Variants in XRRA1 observed in about 807,000 individuals in gnomAD.
The protein encoded by XRRA1 is X-ray radiation resistance associated 1, also known as X-ray radiation resistance-associated protein 1.
XRRA1 carries 69 observed loss-of-function variants against 80.2 expected under a neutral mutation model. The ratio of observed to expected loss-of-function variants is 0.86; its 90% CI spans 0.71 to 1.05. The LOEUF (loss-of-function observed/expected upper bound fraction) is 1.05. XRRA1 is among the 50% of genes least tolerant of loss of function. The probability of loss-of-function intolerance (pLI) is 0.00; values close to 1 mark genes in which losing one functional copy is unlikely to be tolerated. For synonymous variants in XRRA1, 348 were observed against 389.9 expected, an observed-to-expected ratio of 0.89 and a Z score of 1.27; for missense variants, 967 against 976.4, an observed-to-expected ratio of 0.99 and a Z score of 0.13.
intron 6 of XRRA1, 75 bp downstream of exon 6, chr11:74,930,225 G>C (rs568952979): frequency 1.6e-6 from 2 of 1,265,704 alleles, no homozygotes; most frequent in Admixed American, 2.1e-5. Context: ...TGGTTGGACA[G>C]ACAAATCCTA....
chr11:74,916,257 G>A (rs1045212217), intron 8 of XRRA1, among the ~76,000 whole-genome samples: 2 of 152,124 alleles, frequency 1.3e-5, no homozygotes, highest in African/African-American at 4.8e-5. Context: ...TAATCTCTCC[G>A]TGCTTTCTCT....
intron 15 of XRRA1, among the ~76,000 whole-genome samples, chr11:74,846,993 T>C (rs764650339): frequency 2.1e-4 from 32 of 152,078 alleles, no homozygotes; most frequent in Admixed American, 3.9e-4. Context: ...AGCTCAGAAC[T>C]GCATTTTGTC....
At chr11:74,930,489 G>GA in intron 5 of XRRA1, 117 bp from the exon 6 acceptor site, 1 of 756,908 alleles carries the variant, frequency 1.3e-6, no homozygotes, top group East Asian at 2.7e-5. Flanking sequence ...AGGAATAAGG[G>GA]ACATCCCTAG....
At chr11:74,878,622 T>C (rs1462057770) in intron 10 of XRRA1, among the ~76,000 whole-genome samples, 1 of 150,378 alleles carries the variant, frequency 6.6e-6, no homozygotes, top group African/African-American at 2.4e-5. Context: ...CTTTAATCCA[T>C]CTTGAATTGA....
chr11:74,931,921 A>G (rs1359946918), intron 5 of XRRA1: 1 of 152,184 alleles, frequency 6.6e-6, no homozygotes, highest in Non-Finnish European at 1.5e-5. Flanking sequence ...AATTGGCATT[A>G]TAAAACTAAT....
intron 16 of XRRA1, 38 bp from the exon 17 acceptor site, chr11:74,844,321 C>CCCT: frequency 6.7e-7 from 1 of 1,483,142 alleles, no homozygotes; most frequent in Non-Finnish European, 9.4e-7. Flanking sequence ...AGGCACTTCC[C>CCCT]CCTCCTCCTC....
At chr11:74,915,595 T>C (rs1276099099) in intron 8 of XRRA1, among the ~76,000 whole-genome samples, 1 of 152,230 alleles carries the variant, frequency 6.6e-6, no homozygotes, top group Non-Finnish European at 1.5e-5. Context: ...TAGTATCAAG[T>C]TGACTTTAAA....
intron 10 of XRRA1, among the ~76,000 whole-genome samples, chr11:74,873,385 T>C (rs958949909): frequency 2.0e-5 from 3 of 152,196 alleles, no homozygotes; most frequent in Non-Finnish European, 2.9e-5. Context: ...TCCCTATACT[T>C]TGCTAACCCA....
intron 10 of XRRA1, among the ~76,000 whole-genome samples, chr11:74,881,576 T>G (rs1335807514): frequency 2.6e-5 from 4 of 151,980 alleles, no homozygotes; most frequent in Non-Finnish European, 4.4e-5. Context: ...CTTTACATTT[T>G]GGCATGATTT....
intron 8 of XRRA1, among the ~76,000 whole-genome samples, chr11:74,912,275 A>T (rs1289059154): frequency 6.6e-6 from 1 of 152,256 alleles, no homozygotes; most frequent in East Asian, 1.9e-4. Context: ...TATACATTTA[A>T]AAACAATCTG....
chr11:74,879,677 G>A (rs1310599088), intron 10 of XRRA1, among the ~76,000 whole-genome samples: 1 of 151,764 alleles, frequency 6.6e-6, no homozygotes, highest in Non-Finnish European at 1.5e-5. Flanking sequence ...AGCATGGAGG[G>A]TTGTTGAATT....
intron 10 of XRRA1, among the ~76,000 whole-genome samples, chr11:74,900,676 A>G (rs1378596363): frequency 6.6e-6 from 1 of 152,254 alleles, no homozygotes; most frequent in East Asian, 1.9e-4. Flanking sequence ...AATGTGATAC[A>G]TCACATCAAC....
At chr11:74,904,891 T>TA (rs35880400) in intron 10 of XRRA1, among the ~76,000 whole-genome samples, 5,584 of 70,004 alleles carry the variant, frequency 0.08, 188 homozygotes, top group African/African-American at 0.1. Context: ...AACTTCACAG[T>TA]AAAAAAAAAA....
Position 74,907,163 on chromosome 11 carries a change from C to T in XRRA1, c.767G>A (p.Ser256Asn), listed in dbSNP as rs201475280. 116 of 1,613,842 alleles carry T rather than the reference C, an allele frequency of 7.2e-5. No homozygotes were observed. The highest frequency in any genetic ancestry group is 5.1e-4 in the Middle Eastern group (3 of 5,924). Residue 256 changes from serine (S) to asparagine (N), a missense_variant, in exon 9 of 19, where the codon AGC becomes AAC. Physicochemically the swap from Ser to Asn is conservative, Grantham distance 46. Transcript: ENST00000684022. The part of the protein sequence containing the change: ...NRLSNPSCFA[S>N]LAGLRRLKKL... Reference sequence around the variant, plus strand: ...GCTTTACCTCCTGAGCCCAGCCAGGCTGGCAAAGCAACTGGGGTTGGAGAG... The same window carrying T: ...GCTTTACCTCCTGAGCCCAGCCAGGTTGGCAAAGCAACTGGGGTTGGAGAG...
intron 1 of XRRA1, among the ~76,000 whole-genome samples, 176 bp from the exon 2 acceptor site, chr11:74,945,261 G>C (rs1239391058): frequency 6.6e-6 from 1 of 152,142 alleles, no homozygotes; most frequent in African/African-American, 2.4e-5. Context: ...TGGAGACAAA[G>C]ACAAGACATA....
At chr11:74,860,961 G>A (rs896898360) in intron 11 of XRRA1, among the ~76,000 whole-genome samples, 7 of 152,228 alleles carry the variant, frequency 4.6e-5, no homozygotes, top group Admixed American at 3.9e-4. Context: ...TGACTAGAGA[G>A]TTGGGGCTTT....
intron 4 of XRRA1, among the ~76,000 whole-genome samples, chr11:74,936,634 C>A (rs1945046218): frequency 6.6e-6 from 1 of 152,226 alleles, no homozygotes; most frequent in Admixed American, 6.5e-5. Flanking sequence ...CCTCAGTTTT[C>A]CCATCTGCCC....
intron 3 of XRRA1, among the ~76,000 whole-genome samples, chr11:74,939,625 CA>C (rs762005378): frequency 2.0e-5 from 3 of 152,166 alleles, no homozygotes; most frequent in Admixed American, 6.5e-5. Flanking sequence ...CCTAGTCCTG[CA>C]AACAACTATT....
At chr11:74,918,805 CTT>C (rs1939697673) in intron 8 of XRRA1, 1 of 152,274 alleles carries the variant, frequency 6.6e-6, no homozygotes. Flanking sequence ...AAGCAACTCT[CTT>C]GTCTGGCTTC....
Sources: allele counts gnomAD v4.1 joint callset (sites outside exome capture counted in the v4.1 genomes callset), GRCh38; gene constraint gnomAD v4.1.1; transcripts MANE v1.5; gene names NCBI Gene and HGNC (gene_info 2026-07-23, HGNC 2026-07-21).